MAN2C1: variants seen among roughly 807,000 people sequenced by gnomAD.
The protein encoded by MAN2C1 is mannosidase alpha class 2C member 1.
In MAN2C1, 111 loss-of-function variants were observed where a neutral mutation model predicts 126.9. The ratio of observed to expected loss-of-function variants is 0.87; its 90% CI spans 0.75 to 1.02. MAN2C1 has a LOEUF of 1.02. MAN2C1 is among the 50% of genes least tolerant of loss of function. The pLI, the probability that MAN2C1 is intolerant of heterozygous loss-of-function variation, is 0.00. For missense variants in MAN2C1, 1,363 were observed against 1,364.4 expected, an observed-to-expected ratio of 1.00 and a Z score of 0.02; for synonymous variants, 567 against 561.5, an observed-to-expected ratio of 1.01 and a Z score of -0.14.
rs200769294 is a variant in MAN2C1, at chr15:75,360,173, G to A, written c.1623C>T (p.His541=). The change falls in exon 14 of 26, where the codon CAC becomes CAT. Residue 541 remains histidine, a synonymous_variant. Transcript: ENST00000267978. ...KGNRECERIL[H]DVELLSSLAL... is the part of the protein sequence containing the mutation. ...CCAGGCTACTGAGCAGCTCCACGTC[G>A]TGCAGGATCCGCTCACATTCCCGGT... The A allele has an allele frequency of 7.1e-5, 114 of 1,612,818 alleles. 1 individual carries two copies. The East Asian group carries it at 7.1e-4, about 10-fold the overall frequency.
rs1418655062 is a variant in MAN2C1 at position 75,356,880 on chromosome 15, TC to T, written c.2569del (p.Asp857IlefsTer52). On this transcript the variant is annotated frameshift_variant, in exon 22 of 26. Transcript: ENST00000267978. LOFTEE classifies it high-confidence loss of function. This position sits in a 1 kb window ranked among gnomAD's most constrained non-coding sequence, Gnocchi z 5.8. ...RFEVWAHRWM[D>X]LSEHGFGLAL... ...CAGCCCAAAGCCGTGTTCTGACAGA[TC>T]CATCCAGCGATGGGCCCACACCTGG... The T allele has an allele frequency of 4.3e-6, 7 of 1,613,672 alleles. No individual in the cohort carries two copies. Among genetic ancestry groups the T allele is most frequent in the Middle Eastern group, 1.6e-4 (1 of 6,084 alleles).
Position 75,356,202 on chromosome 15 carries a change from C to CT in MAN2C1, c.2903dup (p.Arg969AlafsTer10). On this transcript the variant is annotated frameshift_variant, in exon 25 of 26. Coordinates refer to ENST00000267978, the MANE Select transcript of MAN2C1 (RefSeq NM_006715.4). LOFTEE classifies it high-confidence loss of function. This position sits in a 1 kb window ranked among gnomAD's most constrained non-coding sequence, Gnocchi z 5.8. ...ACAGCCTCAGGACCAGCGAGCGGCG[C>CT]TGGGGGCTGCTCTCCGCCTGCAGAG... The CT allele has an allele frequency of 6.2e-7, 1 of 1,613,332 alleles. No homozygotes were observed. Among genetic ancestry groups the CT allele is most frequent in the Non-Finnish European group, 8.5e-7 (1 of 1,179,910 alleles).
chr15:75,359,790 G>C lies in MAN2C1; in HGVS notation c.1793-15C>G. On this transcript the variant is annotated splice_polypyrimidine_tract_variant and intron_variant, in intron 15 of 25. Transcript: ENST00000267978. Reference sequence around the variant, plus strand: ...GGAACGGATGTCTGAGGAAAGACTGGCTGGTCATAGGTGGGCAACAGGTCT... The same window carrying C: ...GGAACGGATGTCTGAGGAAAGACTGCCTGGTCATAGGTGGGCAACAGGTCT... The C allele has an allele frequency of 1.2e-6, 2 of 1,613,764 alleles. No individual in the cohort carries two copies. The highest frequency in any genetic ancestry group is 1.6e-4 in the Middle Eastern group (1 of 6,062).
Position 75,359,704 on chromosome 15 carries a change from C to G in MAN2C1, c.1864G>C (p.Glu622Gln). ...AALCAGEPGP[E>Q]GLLIVNTLPW... ...AGTGTGTTGACGATGAGGAGGCCCT[C>G]AGGACCTGGCTCCCCAGCACACAGG... Residue 622 changes from glutamate (E) to glutamine (Q), a missense_variant, in exon 16 of 26, where the codon GAG (glutamate) becomes CAG (glutamine). Transcript: ENST00000267978. 1 of 1,614,170 alleles carries G rather than the reference C, an allele frequency of 6.2e-7. No individual in the cohort carries two copies. Among genetic ancestry groups the G allele is most frequent in the Non-Finnish European group, 8.5e-7 (1 of 1,180,038 alleles).
chr15:75,363,276 C>G lies in MAN2C1; in HGVS notation c.791-528G>C, dbSNP rs750465901. On this transcript the variant is annotated intron_variant, in intron 6 of 25. Transcript: ENST00000267978. ...CCCAAAACTTCGGCTGCATCAGAAT[C>G]AATACCTTCAGGAGCTTGTTAAAAA... 223 of 456,008 alleles carry G rather than the reference C, an allele frequency of 4.9e-4. 4 individuals carry two copies. Among genetic ancestry groups the G allele is most frequent in the Non-Finnish European group, 6.6e-4 (150 of 226,868 alleles). The allele number at this position is 456,008 out of a possible 1,614,324, so 28.2% of individuals were successfully genotyped here. A position where few individuals can be genotyped will look rare whatever the true frequency, so the allele number is the denominator to read the frequency against.
chr15:75,356,647 G>GT lies in MAN2C1; in HGVS notation c.2695dup (p.Thr899AsnfsTer80). ...TGCATAGGTGAACTCGTGGCGCCCC[G>GT]TGTCAGCAGTAGCGTCCGGGGCTTT... On this transcript the variant is annotated frameshift_variant, in exon 23 of 26. Coordinates refer to ENST00000267978, the MANE Select transcript of MAN2C1 (RefSeq NM_006715.4). LOFTEE classifies it high-confidence loss of function. The surrounding 1 kb of genome is among the most constrained non-coding windows in gnomAD (Gnocchi z 5.8). 1.3e-6 allele frequency: 2 copies of GT among 1,576,056 alleles called. No homozygotes were observed. Among genetic ancestry groups the GT allele is most frequent in the Non-Finnish European group, 1.7e-6 (2 of 1,161,152 alleles).
chr15:75,363,185 C>G (rs1361969581), intron 6 of MAN2C1: 2 of 457,166 alleles, frequency 4.4e-6, no homozygotes, highest in Middle Eastern at 6.5e-4. Context: ...CCTCCCTTAC[C>G]AGCCCAGAAC....
rs2072392446 is a variant in MAN2C1, at chr15:75,358,614, G to A, written c.2251C>T (p.Pro751Ser). 6.2e-7 allele frequency: 1 copy of A among 1,613,166 alleles called. No individual in the cohort carries two copies. The highest frequency in any genetic ancestry group is 1.1e-5 in the South Asian group (1 of 91,040). The change falls in exon 20 of 26, where the codon CCT (proline) becomes TCT (serine). Residue 751 changes from proline to serine, a missense_variant. Pro to Ser is a moderately conservative substitution (Grantham distance 74). This residue lies in a region of MAN2C1 where 668 missense variants were observed against 650.1 expected (regional missense o/e 1.03). Coordinates refer to ENST00000267978, the MANE Select transcript of MAN2C1 (RefSeq NM_006715.4). Reference protein sequence around the residue: ...VMDYHLETRKPVLGQAGTLAV... With the variant: ...VMDYHLETRKSVLGQAGTLAV... ...AGGGTCCCTGCCTGGCCCAGCACAG[G>A]CTTCCTATGGGACAGGGGTGGACAT...
At position 75,358,475 on chromosome 15, in the gene MAN2C1, C is replaced by T. The variant is rs765312123; in HGVS notation, c.2390G>A (p.Arg797His). ...VVLDVGCPYV[R>H]FHTEVHWHEA... ...CCCCCCGACTACCTCGGTGTGGAAG[C>T]GGACATAGGGGCAGCCAACGTCCAG... Residue 797 changes from arginine to histidine, a missense_variant, in exon 20 of 26, where the codon CGC becomes CAC. Arg to His is a conservative substitution (Grantham distance 29, BLOSUM62 0). Coordinates refer to ENST00000267978, the MANE Select transcript of MAN2C1 (RefSeq NM_006715.4). 62 of 1,613,412 alleles carry T rather than the reference C, an allele frequency of 3.8e-5. No homozygotes were observed. Among genetic ancestry groups the T allele is most frequent in the Middle Eastern group, 1.6e-4 (1 of 6,084 alleles).
rs1408623757 is a variant in MAN2C1, at chr15:75,359,353, T to TGGGGCAGCA, written c.2012_2020dup (p.Leu671_Pro673dup). The TGGGGCAGCA allele has an allele frequency of 1.2e-6, 2 of 1,600,156 alleles. No homozygotes were observed. The highest frequency in any genetic ancestry group is 2.2e-5 in the South Asian group (2 of 89,104). On this transcript the variant is annotated inframe_insertion, in exon 17 of 26. Coordinates refer to ENST00000267978, the MANE Select transcript of MAN2C1 (RefSeq NM_006715.4). ...CTCTTGCACTACGAACACAGGCTGCTGGGGCAGCAGGGGCTGCAGTGAGGT... is the reference window on the plus strand; with the variant it reads ...CTCTTGCACTACGAACACAGGCTGCTGGGGCAGCAGGGGCAGCAGGGGCTGCAGTGAGGT...
At chr15:75,365,587 A>C (rs552552400) in intron 4 of MAN2C1, 1 of 179,850 alleles carries the variant, frequency 5.6e-6, no homozygotes, top group Non-Finnish European at 1.2e-5. Flanking sequence ...TTAGCTGGGC[A>C]TGGTGGTGGG....
rs1359356940 is a variant in MAN2C1, at chr15:75,361,475, A to G, written c.1219-94T>C. On this transcript the variant is annotated intron_variant, in intron 10 of 25. Transcript: ENST00000267978. The surrounding 1 kb of genome is among the most constrained non-coding windows in gnomAD (Gnocchi z 5.0). ...AGACTTGGTCCTGCCCCTGCCTGCT[A>G]TGTGACCCTGGCAGAGGCAGAGTGA... 3.1e-6 allele frequency: 4 copies of G among 1,276,108 alleles called. No homozygotes were observed. The highest frequency in any genetic ancestry group is 4.6e-6 in the Non-Finnish European group (4 of 876,422). The allele number at this position is 1,276,108 out of a possible 1,614,324, so 79.0% of individuals were successfully genotyped here. A position where few individuals can be genotyped will look rare whatever the true frequency, so the allele number is the denominator to read the frequency against.
chr15:75,368,226 GCTGGAGGCCGCCCCGTTTCCGC>G lies in MAN2C1; in HGVS notation c.102-50_102-29del, dbSNP rs772744858. The G allele has an allele frequency of 2.5e-6, 4 of 1,579,616 alleles. No homozygotes were observed. In the South Asian group the frequency reaches 4.6e-5, roughly 18 times the overall value. On this transcript the variant is annotated intron_variant, in intron 1 of 25. Transcript: ENST00000267978. ...GCGTGGGACGGGCCGGTGGGCACAT[GCTGGAGGCCGCCCCGTTTCCGC>G]CTGGGGGCCAGCTGGCCGGTGGGGC...
Position 75,368,176 on chromosome 15 carries a change from C to T in MAN2C1, c.124G>A (p.Val42Met). ...RGRLFGASCP[V>M]AVLSSFLTPE... ...GTCAGGAAGCTGGAGAGCACAGCCA[C>T]AGGGCAGCTGGCCCCAAAAAGCCTG... The change falls in exon 2 of 26, where the codon GTG becomes ATG. Residue 42 changes from valine to methionine, a missense_variant. By Grantham distance (21) the Val-to-Met change is conservative. Around this residue, in one of 3 missense-constraint regions of MAN2C1, gnomAD observed 628 missense variants for 609.8 expected, o/e 1.03. Coordinates refer to ENST00000267978, the MANE Select transcript of MAN2C1 (RefSeq NM_006715.4). 2 of 1,604,798 alleles carry T rather than the reference C, an allele frequency of 1.2e-6. No individual in the cohort carries two copies. Among genetic ancestry groups the T allele is most frequent in the Non-Finnish European group, 1.7e-6 (2 of 1,177,394 alleles).
rs900326243 is a variant in MAN2C1 at position 75,361,837 on chromosome 15, T to C, written c.1101+18A>G. 2.5e-6 allele frequency: 4 copies of C among 1,612,284 alleles called. No homozygotes were observed. In the African/African-American group the frequency reaches 5.3e-5, roughly 22 times the overall value. ...AGCCCCACTCGCCCACAGCCTGGTG[T>C]AGCAGCTCTCAGCCTACCTCAGAGC... On this transcript the variant is annotated intron_variant, in intron 9 of 25. Transcript: ENST00000267978. This position sits in a 1 kb window ranked among gnomAD's most constrained non-coding sequence, Gnocchi z 5.0.
chr15:75,358,854 G>T, intron 18 of MAN2C1, 46 bp from the exon 19 acceptor site: 2 of 1,510,394 alleles, frequency 1.3e-6, no homozygotes, highest in Non-Finnish European at 1.8e-6. Flanking sequence ...TGACCTCGCT[G>T]TCTCCAGCTG....
At position 75,356,827 on chromosome 15, in the gene MAN2C1, C is replaced by T. The variant is rs138605574; in HGVS notation, c.2623G>A (p.Ala875Thr). The T allele has an allele frequency of 3.5e-5, 56 of 1,613,966 alleles. No homozygotes were observed. Among genetic ancestry groups the T allele is most frequent in the South Asian group, 3.0e-4 (27 of 91,094 alleles). Reference sequence around the variant, plus strand: ...CTGAGGATGCTGCCTCGCACTGACGCGCCATACTTGCAGTCGTTGAGCAGG... The same window carrying T: ...CTGAGGATGCTGCCTCGCACTGACGTGCCATACTTGCAGTCGTTGAGCAGG... The part of the protein sequence containing the change: ...LALLNDCKYG[A>T]SVRGSILSLS... Residue 875 changes from alanine (A) to threonine (T), a missense_variant, in exon 22 of 26, where the codon GCG becomes ACG. Physicochemically the swap from Ala to Thr is moderately conservative, Grantham distance 58. Coordinates refer to ENST00000267978, the MANE Select transcript of MAN2C1 (RefSeq NM_006715.4). The surrounding 1 kb of genome is among the most constrained non-coding windows in gnomAD (Gnocchi z 5.8).
intron 5 of MAN2C1, 64 bp downstream of exon 5, chr15:75,364,424 A>G: frequency 2.1e-6 from 3 of 1,462,998 alleles, no homozygotes; most frequent in Non-Finnish European, 2.7e-6. Context: ...TATCTGACCC[A>G]AAGAACAACC....
rs1391782197 is a variant in MAN2C1 at position 75,359,073 on chromosome 15, C to T, written c.2127G>A (p.Leu709=). Reference sequence around the variant, plus strand: ...GGATTTGGCACCTGCCAGAGGCCACCAGGACCAAGGACGTCAGGCGACCAG... The same window carrying T: ...GGATTTGGCACCTGCCAGAGGCCACTAGGACCAAGGACGTCAGGCGACCAG... The part of the protein sequence containing the change: ...DPTGRLTSLV[L]VASGREAIAE... Residue 709 remains leucine (L), a synonymous_variant, in exon 18 of 26, where the codon CTG becomes CTA. Transcript: ENST00000267978. 1.9e-6 allele frequency: 3 copies of T among 1,613,934 alleles called. No homozygotes were observed. The highest frequency in any genetic ancestry group is 1.7e-5 in the Admixed American group (1 of 60,014).
Sources: allele counts gnomAD v4.1 joint callset, GRCh38; gene constraint gnomAD v4.1.1; regional missense constraint gnomAD v4.1.1; non-coding constraint Gnocchi (gnomAD v3.1); transcripts MANE v1.5; gene names NCBI Gene and HGNC (gene_info 2026-07-23, HGNC 2026-07-21).